CSMD2: variants seen among roughly 807,000 people sequenced by gnomAD.
CSMD2 encodes the protein CUB and Sushi multiple domains 2.
In CSMD2, 130 loss-of-function variants were observed where a neutral mutation model predicts 398.5. The ratio of observed to expected loss-of-function variants is 0.33; its 90% CI spans 0.28 to 0.38. CSMD2 has a LOEUF of 0.38. Among genes scored for constraint, CSMD2 ranks in the 10% least tolerant of loss-of-function variants. The pLI, the probability that CSMD2 is intolerant of heterozygous loss-of-function variation, is 1.00. For synonymous variants in CSMD2, 1,828 were observed against 1,908.5 expected (o/e 0.96, Z 1.10); for missense variants, 3,829 against 4,764.9 (o/e 0.80, Z 5.78).
chr1:33,890,005 C>G (rs1442266255), intron 5 of CSMD2, among the ~76,000 whole-genome samples: 1 of 151,258 alleles, frequency 6.6e-6, no homozygotes, highest in African/African-American at 2.4e-5. Context: ...TCACACAATA[C>G]TCTATGAACA....
At chr1:33,616,523 C>T (rs1641398784) in intron 39 of CSMD2, among the ~76,000 whole-genome samples, 1 of 152,214 alleles carries the variant, frequency 6.6e-6, no homozygotes, top group South Asian at 2.1e-4. Flanking sequence ...CAGGCATGAG[C>T]CACTGCACCC....
At chr1:33,788,821 G>T in intron 11 of CSMD2, 109 bp from the exon 12 acceptor site, 1 of 684,038 alleles carries the variant, frequency 1.5e-6, no homozygotes, top group African/African-American at 1.8e-5. Flanking sequence ...GGCCCGCTCG[G>T]GCAAATTCTG....
At chr1:33,797,678 C>T (rs886702326) in intron 10 of CSMD2, among the ~76,000 whole-genome samples, 2 of 151,282 alleles carry the variant, frequency 1.3e-5, no homozygotes, top group Non-Finnish European at 3.0e-5. Context: ...TGGGTCCCAG[C>T]AGGGGGTCAG....
At chr1:33,705,753 T>C (rs575230167) in intron 22 of CSMD2, among the ~76,000 whole-genome samples, 9 of 152,128 alleles carry the variant, frequency 5.9e-5, no homozygotes, top group Admixed American at 4.6e-4. Context: ...CTTCTCTTTT[T>C]TGAAAAAGGG....
chr1:33,971,593 C>T (rs957666342), intron 3 of CSMD2, among the ~76,000 whole-genome samples: 20 of 152,218 alleles, frequency 1.3e-4, no homozygotes, highest in South Asian at 6.2e-4. Context: ...GTCACATCCT[C>T]GTGAAAGGAC....
intron 10 of CSMD2, 84 bp from the exon 11 acceptor site, chr1:33,792,610 G>C: frequency 1.1e-6 from 1 of 872,456 alleles, no homozygotes; most frequent in Admixed American, 1.8e-5. Flanking sequence ...GATTTTCTGT[G>C]TTATGTCCCA....
At chr1:33,556,449 T>A (rs1378619467) in intron 55 of CSMD2, among the ~76,000 whole-genome samples, 1 of 152,148 alleles carries the variant, frequency 6.6e-6, no homozygotes, top group Non-Finnish European at 1.5e-5. Flanking sequence ...CTGCCAAAGG[T>A]AGGTGGACTG....
chr1:33,755,853 G>C (rs1348172), intron 13 of CSMD2, among the ~76,000 whole-genome samples: 2,818 of 146,150 alleles, frequency 0.019, 44 homozygotes, highest in African/African-American at 0.022. Context: ...TGTGCGGGGG[G>C]AGGGGGGTCT....
At chr1:33,587,216 G>T in intron 44 of CSMD2, 48 bp from the exon 45 acceptor site, 1 of 1,320,260 alleles carries the variant, frequency 7.6e-7, no homozygotes, top group Non-Finnish European at 1.1e-6. Flanking sequence ...TCATTCTCCA[G>T]GTACACCGTC....
At chr1:33,774,172 G>C (rs911321686) in intron 12 of CSMD2, among the ~76,000 whole-genome samples, 11 of 150,340 alleles carry the variant, frequency 7.3e-5, no homozygotes, top group Admixed American at 2.7e-4. Context: ...GAACAACAAG[G>C]GTCCTCCCCT....
intron 21 of CSMD2, among the ~76,000 whole-genome samples, chr1:33,710,747 G>T (rs1429525078): frequency 1.2e-5 from 1 of 84,684 alleles, no homozygotes; most frequent in Non-Finnish European, 2.2e-5. Context: ...CATAGATGGA[G>T]AACATGGAAA....
intron 29 of CSMD2, among the ~76,000 whole-genome samples, chr1:33,644,829 G>C (rs984929883): frequency 1.5e-4 from 23 of 152,124 alleles, no homozygotes; most frequent in Non-Finnish European, 4.4e-5. Flanking sequence ...AAGAGGGTTT[G>C]GGCCCAGGAG....
At chr1:33,692,318 G>A (rs1645267854) in intron 25 of CSMD2, among the ~76,000 whole-genome samples, 1 of 152,094 alleles carries the variant, frequency 6.6e-6, no homozygotes, top group Non-Finnish European at 1.5e-5. Context: ...ACCACTGCTG[G>A]TCTTTTGCTA....
At chr1:33,582,923 T>C (rs1244277734) in intron 47 of CSMD2, among the ~76,000 whole-genome samples, 1 of 152,172 alleles carries the variant, frequency 6.6e-6, no homozygotes, top group Non-Finnish European at 1.5e-5. Flanking sequence ...GAAATGAGGA[T>C]CAGAAGCACT....
chr1:34,129,012 C>T (rs1663045511), intron 1 of CSMD2, among the ~76,000 whole-genome samples: 2 of 37,092 alleles, frequency 5.4e-5, no homozygotes, highest in Non-Finnish European at 1.2e-4. Flanking sequence ...TACCCCCCCC[C>T]ACACACACAC....
chr1:33,770,190 G>C lies in CSMD2; in HGVS notation c.1846+2379C>G, dbSNP rs183678064. Among the ~76,000 whole-genome samples the C allele has an allele frequency of 2.9e-3, 447 of 152,318 alleles. 3 individuals are homozygous for C. Among genetic ancestry groups the C allele is most frequent in the African/African-American group, 9.2e-3 (381 of 41,568 alleles). ...TTTTTCTACAAATATGATCATAGAG[G>C]CTTAGAATATTTGGAGCCACAATGG... On this transcript the variant is annotated intron_variant, in intron 13 of 70. Coordinates refer to ENST00000373381, the MANE Select transcript of CSMD2 (RefSeq NM_001281956.2).
chr1:33,907,438 A>G (rs1643168244), intron 5 of CSMD2, among the ~76,000 whole-genome samples: 2 of 151,972 alleles, frequency 1.3e-5, no homozygotes, highest in Admixed American at 6.6e-5. Context: ...TTTGATCATC[A>G]TCTTAATGTG....
At chr1:33,800,096 C>A (rs1270254481) in intron 10 of CSMD2, among the ~76,000 whole-genome samples, 1 of 152,234 alleles carries the variant, frequency 6.6e-6, no homozygotes, top group African/African-American at 2.4e-5. Flanking sequence ...TCCCATATTT[C>A]TCCTCAGAGC....
intron 3 of CSMD2, among the ~76,000 whole-genome samples, chr1:34,007,284 C>T (rs1026966692): frequency 6.6e-6 from 1 of 152,112 alleles, no homozygotes; most frequent in Non-Finnish European, 1.5e-5. Flanking sequence ...AGCACTTACT[C>T]GGTCCTCTGT....
Sources: allele counts gnomAD v4.1 joint callset (sites outside exome capture counted in the v4.1 genomes callset), GRCh38; gene constraint gnomAD v4.1.1; transcripts MANE v1.5; gene names NCBI Gene and HGNC (gene_info 2026-07-23, HGNC 2026-07-21).